The following CHN1 variants were observed in gnomAD, a reference collection of about 807,000 sequenced individuals.
The protein encoded by CHN1 is N-chimaerin.
A neutral mutation model predicts 59.5 loss-of-function variants in CHN1; 37 were observed. That is an observed-to-expected ratio of 0.62 (90% CI 0.48 to 0.82). The LOEUF (loss-of-function observed/expected upper bound fraction) is 0.82, where lower values mean the gene tolerates loss of function less well. CHN1 is among the 40% of genes least tolerant of loss of function. The pLI, the probability that CHN1 is intolerant of heterozygous loss-of-function variation, is 0.00. For missense variants in CHN1, 469 were observed against 571.0 expected (o/e 0.82, Z 1.82); for synonymous variants, 206 against 200.4 (o/e 1.03, Z -0.24).
rs767492730 is a variant in CHN1, at chr2:174,799,896, C to A, written c.*220G>T. 7 of 640,790 alleles carry A rather than the reference C, an allele frequency of 1.1e-5. No individual in the cohort carries two copies. Among genetic ancestry groups the A allele is most frequent in the African/African-American group, 7.1e-5 (4 of 56,220 alleles). The allele number at this position is 640,790 out of a possible 1,614,324, so 39.7% of individuals were successfully genotyped here. On this transcript the variant is annotated 3_prime_UTR_variant, in exon 13 of 13. Coordinates refer to ENST00000409900, the MANE Select transcript of CHN1 (RefSeq NM_001822.7). ...ATGCAATAGCTTGAGTTTCTCTGAACGTGATAAACACCCAGGATTACTAGA... is the reference window on the plus strand; with the variant it reads ...ATGCAATAGCTTGAGTTTCTCTGAAAGTGATAAACACCCAGGATTACTAGA...
rs530195863 is a variant in CHN1 at position 174,801,013 on chromosome 2, C to T, written c.1208+694G>A. 2.2e-4 allele frequency among the ~76,000 whole-genome samples: 34 copies of T among 152,258 alleles called. No homozygotes were observed. The East Asian group carries it at 6.2e-3, about 28-fold the overall frequency. On this transcript the variant is annotated intron_variant, in intron 12 of 12. Transcript: ENST00000409900. Reference sequence around the variant, plus strand: ...TATAACTCATGCCTTTGGCCACATACGTATTTTTGTTTCTGATTGGTTTTA... The same window carrying T: ...TATAACTCATGCCTTTGGCCACATATGTATTTTTGTTTCTGATTGGTTTTA...
intron 1 of CHN1, among the ~76,000 whole-genome samples, chr2:174,989,169 A>G (rs1180765061): frequency 1.3e-5 from 2 of 151,284 alleles, no homozygotes; most frequent in Non-Finnish European, 2.9e-5. Flanking sequence ...CAAGGTCAGG[A>G]GTTCGAGACC....
At chr2:174,902,378 A>G (rs1320916066) in intron 5 of CHN1, among the ~76,000 whole-genome samples, 1 of 152,164 alleles carries the variant, frequency 6.6e-6, no homozygotes, top group East Asian at 1.9e-4. Context: ...TGGAATTATT[A>G]TATCAATGTT....
chr2:174,809,218 T>C (rs1684998491), intron 10 of CHN1, among the ~76,000 whole-genome samples, 176 bp from the exon 11 acceptor site: 1 of 152,198 alleles, frequency 6.6e-6, no homozygotes, highest in Non-Finnish European at 1.5e-5. Context: ...AAAGAGCCTC[T>C]TCTGATCTCC....
intron 5 of CHN1, among the ~76,000 whole-genome samples, chr2:174,901,773 C>T (rs1169230175): frequency 2.0e-5 from 3 of 152,046 alleles, no homozygotes; most frequent in Non-Finnish European, 4.4e-5. Flanking sequence ...TTTCCTTTTC[C>T]TACTTTTCTG....
intron 7 of CHN1, among the ~76,000 whole-genome samples, chr2:174,842,640 G>A (rs761832480): frequency 5.9e-5 from 9 of 152,266 alleles, no homozygotes; most frequent in South Asian, 2.1e-4. Flanking sequence ...CCACGTCCTC[G>A]GGAGGAAAGG....
intron 6 of CHN1, among the ~76,000 whole-genome samples, chr2:174,871,567 C>T (rs2105465877): frequency 6.6e-6 from 1 of 152,296 alleles, no homozygotes; most frequent in East Asian, 1.9e-4. Context: ...ATGCCAGAAT[C>T]TCATATTAAT....
chr2:174,975,798 A>T (rs1199851677), intron 1 of CHN1, among the ~76,000 whole-genome samples: 1 of 152,106 alleles, frequency 6.6e-6, no homozygotes, highest in Non-Finnish European at 1.5e-5. Context: ...TTAGTTGATG[A>T]GACTTCAAAG....
At chr2:174,804,333 T>G (rs934750214) in intron 11 of CHN1, among the ~76,000 whole-genome samples, 1 of 152,120 alleles carries the variant, frequency 6.6e-6, no homozygotes, top group African/African-American at 2.4e-5. Context: ...TTAGCAGGTG[T>G]GGTCAGAAGG....
chr2:174,946,556 A>G (rs574170081), intron 2 of CHN1, among the ~76,000 whole-genome samples: 1 of 152,278 alleles, frequency 6.6e-6, no homozygotes, highest in South Asian at 2.1e-4. Flanking sequence ...TTTCATTGTG[A>G]GAGTTAATAA....
intron 8 of CHN1, among the ~76,000 whole-genome samples, chr2:174,821,281 A>C (rs114577458): frequency 1.5e-3 from 234 of 152,298 alleles, no homozygotes; most frequent in African/African-American, 5.4e-3. Flanking sequence ...GACCACCTGC[A>C]TTCCTTGGCT....
intron 5 of CHN1, among the ~76,000 whole-genome samples, chr2:174,883,965 CTTTTTTTTT>C (rs141023955): frequency 8.2e-6 from 1 of 121,512 alleles, no homozygotes; most frequent in Non-Finnish European, 1.7e-5. Flanking sequence ...AGTCTAACTT[CTTTTTTTTT>C]TTTTTTTTTT....
At position 174,800,926 on chromosome 2, in the gene CHN1, C is replaced by G. The variant is rs555990880; in HGVS notation, c.1209-639G>C. ...TAAGCACATTAAACAAAGGTTTTAA[C>G]TCATGGTGCTCTTAAAGAGGAAAAA... On this transcript the variant is annotated intron_variant, in intron 12 of 12. Transcript: ENST00000409900. Among the ~76,000 whole-genome samples, 4 of 152,342 alleles carry G rather than the reference C, an allele frequency of 2.6e-5. No individual in the cohort carries two copies. In the East Asian group the frequency reaches 7.7e-4, roughly 29 times the overall value.
At chr2:174,922,331 T>C (rs1269351687) in intron 3 of CHN1, among the ~76,000 whole-genome samples, 9 of 152,222 alleles carry the variant, frequency 5.9e-5, no homozygotes, top group African/African-American at 1.9e-4. Flanking sequence ...AATGAAGATA[T>C]ACATGCACAT....
At chr2:174,820,149 A>G (rs1342417702) in intron 8 of CHN1, among the ~76,000 whole-genome samples, 1 of 152,148 alleles carries the variant, frequency 6.6e-6, no homozygotes, top group African/African-American at 2.4e-5. Flanking sequence ...GTGTCTTTAT[A>G]GCAGCATGAT....
rs73973654 is a variant in CHN1 at position 174,948,907 on chromosome 2, G to A, written c.58+3257C>T. ...AGATGCTGAAGCATTACAGTTTGTC[G>A]GTCCCAAAGACTATTAGTAGAAAAT... On this transcript the variant is annotated intron_variant, in intron 2 of 12. Transcript: ENST00000409900. Among the ~76,000 whole-genome samples the A allele has an allele frequency of 4.8e-3, 729 of 152,056 alleles. 5 individuals are homozygous for A. The highest frequency in any genetic ancestry group is 0.017 in the African/African-American group (687 of 41,474).
intron 6 of CHN1, among the ~76,000 whole-genome samples, chr2:174,854,180 T>TC (rs1179681874): frequency 1.3e-5 from 2 of 152,318 alleles, no homozygotes; most frequent in Admixed American, 1.3e-4. Context: ...ATTCTATTTT[T>TC]CTCATTTTAA....
chr2:174,919,005 C>T (rs1244929267), intron 3 of CHN1, among the ~76,000 whole-genome samples: 1 of 152,094 alleles, frequency 6.6e-6, no homozygotes, highest in Non-Finnish European at 1.5e-5. Flanking sequence ...GTTGTCCCAT[C>T]ATCTCTTCCC....
intron 1 of CHN1, among the ~76,000 whole-genome samples, chr2:174,967,427 T>C (rs199798891): frequency 1.3e-5 from 2 of 152,192 alleles, no homozygotes; most frequent in Non-Finnish European, 2.9e-5. Flanking sequence ...TAAAAGAATA[T>C]ACTACGTTAT....
Sources: gnomAD v4.1 joint callset for allele counts (sites outside exome capture counted in the v4.1 genomes callset) on GRCh38, gnomAD v4.1.1 for gene constraint, MANE v1.5 for transcripts, NCBI Gene and HGNC (gene_info 2026-07-23, HGNC 2026-07-21) for gene names.